The following EPM2A variants were observed in gnomAD, a reference collection of about 807,000 sequenced individuals.
EPM2A encodes EPM2A glucan phosphatase, laforin.
In EPM2A, 21 loss-of-function variants were observed where a neutral mutation model predicts 26.5. The ratio of observed to expected loss-of-function variants is 0.79; its 90% confidence interval spans 0.56 to 1.14. EPM2A has a LOEUF of 1.14. EPM2A is among the 50% of genes most tolerant of loss of function. EPM2A has a pLI of 0.00. For missense variants in EPM2A, 458 were observed against 440.8 expected (o/e 1.04, Z -0.35); for synonymous variants, 217 against 177.6 (o/e 1.22, Z -1.76).
chr6:145,703,250 C>G (rs1298841682), intron 1 of EPM2A, among the ~76,000 whole-genome samples: 1 of 152,040 alleles, frequency 6.6e-6, no homozygotes, highest in Non-Finnish European at 1.5e-5. Flanking sequence ...CGCCACCACG[C>G]CCAGCTAATT....
intron 4 of EPM2A, among the ~76,000 whole-genome samples, chr6:145,482,928 A>C (rs1779628127): frequency 6.6e-6 from 1 of 151,604 alleles, no homozygotes; most frequent in Non-Finnish European, 1.5e-5. Context: ...AAATTCCTGA[A>C]TTGAGTGAGT....
At chr6:145,715,217 C>A (rs773863844) in intron 1 of EPM2A, among the ~76,000 whole-genome samples, 1 of 152,136 alleles carries the variant, frequency 6.6e-6, no homozygotes, top group African/African-American at 2.4e-5. Flanking sequence ...TCAAGGGTGG[C>A]CAGATTTCAT....
At chr6:145,723,660 A>G (rs1776055576) in intron 1 of EPM2A, among the ~76,000 whole-genome samples, 1 of 152,182 alleles carries the variant, frequency 6.6e-6, no homozygotes, top group South Asian at 2.1e-4. Flanking sequence ...AGGGCAGTAC[A>G]GGACTATAAT....
At chr6:145,595,604 C>G (rs1460278511) in intron 2 of EPM2A, among the ~76,000 whole-genome samples, 2 of 151,716 alleles carry the variant, frequency 1.3e-5, no homozygotes, top group African/African-American at 4.8e-5. Flanking sequence ...TTTTTTATTT[C>G]ATGGTTTCAT....
intron 1 of EPM2A, among the ~76,000 whole-genome samples, chr6:145,724,175 A>G (rs923929248): frequency 6.6e-6 from 1 of 152,110 alleles, no homozygotes; most frequent in South Asian, 2.1e-4. Context: ...CTAATCCACA[A>G]GTAACTTAAC....
intron 2 of EPM2A, among the ~76,000 whole-genome samples, chr6:145,647,735 G>T (rs1582961813): frequency 6.6e-6 from 1 of 152,160 alleles, no homozygotes; most frequent in South Asian, 2.1e-4. Flanking sequence ...AAGTGAAAGG[G>T]GAAGAGGAAG....
At chr6:145,678,766 A>C (rs1583036009) in intron 2 of EPM2A, among the ~76,000 whole-genome samples, 1 of 152,260 alleles carries the variant, frequency 6.6e-6, no homozygotes, top group African/African-American at 2.4e-5. Context: ...GCTGGAGGGG[A>C]TGTGGGGAAA....
chr6:145,724,055 T>C (rs1172233773), intron 1 of EPM2A, among the ~76,000 whole-genome samples: 3 of 152,090 alleles, frequency 2.0e-5, no homozygotes, highest in African/African-American at 2.4e-5. Context: ...ACTGAATACA[T>C]GAGGCATTCA....
chr6:145,671,149 C>T, intron 2 of EPM2A: 1 of 999,938 alleles, frequency 1.0e-6, no homozygotes, highest in Non-Finnish European at 1.2e-6. Context: ...CTGTTTACTC[C>T]AAAAAAGATT....
intron 4 of EPM2A, chr6:145,489,583 G>A (rs973638649): frequency 3.1e-5 from 30 of 979,506 alleles, no homozygotes; most frequent in East Asian, 1.3e-4. Context: ...CCCATAATCC[G>A]TTCAAAAACC....
At chr6:145,630,087 G>C (rs1237308143) in intron 3 of EPM2A, 1 of 152,164 alleles carries the variant, frequency 6.6e-6, no homozygotes, top group Non-Finnish European at 1.5e-5. Context: ...CAAGAGGTAT[G>C]TACACAGTTT....
chr6:145,636,829 C>G (rs1272823535), intron 2 of EPM2A: 2 of 151,154 alleles, frequency 1.3e-5, no homozygotes, highest in African/African-American at 4.9e-5. Flanking sequence ...AAGGCTGAGG[C>G]CTAAGAATTG....
chr6:145,577,691 C>T (rs1008827973), intron 2 of EPM2A, among the ~76,000 whole-genome samples: 2 of 151,846 alleles, frequency 1.3e-5, no homozygotes, highest in African/African-American at 4.8e-5. Flanking sequence ...TGTACTTAGG[C>T]CAAGTGGACC....
intron 2 of EPM2A, among the ~76,000 whole-genome samples, chr6:145,642,228 T>A (rs1777137497): frequency 6.6e-6 from 1 of 152,172 alleles, no homozygotes; most frequent in Non-Finnish European, 1.5e-5. Context: ...AGACTATTGG[T>A]TTGTTAATGT....
At chr6:145,610,252 C>T (rs1298457279) in intron 2 of EPM2A, among the ~76,000 whole-genome samples, 3 of 151,846 alleles carry the variant, frequency 2.0e-5, no homozygotes, top group Non-Finnish European at 4.4e-5. Flanking sequence ...TTTTCAATTT[C>T]GGCTTTGAAA....
intron 2 of EPM2A, among the ~76,000 whole-genome samples, chr6:145,675,713 A>G (rs1288045340): frequency 6.6e-6 from 1 of 152,246 alleles, no homozygotes; most frequent in East Asian, 1.9e-4. Flanking sequence ...AAAGGGATCA[A>G]TTCAACAAGA....
In EPM2A at chr6:145,516,737, A is replaced by G. The variant is rs183225230; in HGVS notation, c.341-14162T>C. Among the ~76,000 whole-genome samples, 595 of 152,292 alleles carry G rather than the reference A, an allele frequency of 3.9e-3. 1 individual carries two copies. Among genetic ancestry groups the G allele is most frequent in the Non-Finnish European group, 6.5e-3 (441 of 68,002 alleles). ...AGAGGATGAACCTCAAATAGCTTTG[A>G]TCTGCCAGGAGTGGGTATAAAAGGA... is the stretch of plus-strand genomic sequence containing the variant. On this transcript the variant is annotated intron_variant, in intron 2 of 3. Coordinates refer to the EPM2A transcript ENST00000450221.
upstream of EPM2A, chr6:145,735,584 G>A: frequency 9.2e-7 from 1 of 1,090,682 alleles, no homozygotes; most frequent in Non-Finnish European, 1.1e-6. Flanking sequence ...CGCAGCGATT[G>A]GGCGGTGGTG....
intron 4 of EPM2A, among the ~76,000 whole-genome samples, chr6:145,434,949 T>G (rs991652613): frequency 2.0e-5 from 3 of 152,104 alleles, no homozygotes; most frequent in African/African-American, 7.2e-5. Flanking sequence ...TCTTATGAGA[T>G]CTGGTTGTTT....
Sources: gnomAD v4.1 joint callset for allele counts (sites outside exome capture counted in the v4.1 genomes callset) on GRCh38, gnomAD v4.1.1 for gene constraint, MANE v1.5 for transcripts, NCBI Gene and HGNC (gene_info 2026-07-23, HGNC 2026-07-21) for gene names.